The following SCN8A variants were observed in gnomAD, a reference collection of about 807,000 sequenced individuals.
SCN8A encodes the protein sodium channel protein type 8 subunit alpha.
A neutral mutation model predicts 184.1 loss-of-function variants in SCN8A; 30 were observed. The ratio of observed to expected loss-of-function variants is 0.16; its 90% CI spans 0.12 to 0.22. The LOEUF (loss-of-function observed/expected upper bound fraction) is 0.22. Among genes scored for constraint, SCN8A ranks in the 10% least tolerant of loss-of-function variants. SCN8A has a pLI of 1.00. For missense variants in SCN8A, 1,057 were observed against 2,498.9 expected, an observed-to-expected ratio of 0.42 and a Z score of 12.30; for synonymous variants, 852 against 907.0, an observed-to-expected ratio of 0.94 and a Z score of 1.09.
At chr12:51,631,609 C>G (rs777646596) in intron 1 of SCN8A, among the ~76,000 whole-genome samples, 3 of 152,162 alleles carry the variant, frequency 2.0e-5, no homozygotes, top group Non-Finnish European at 2.9e-5. Context: ...TGGTTCATGT[C>G]TAAGATGCTA....
chr12:51,650,624 A>G (rs1030939582), intron 1 of SCN8A, among the ~76,000 whole-genome samples: 3 of 151,304 alleles, frequency 2.0e-5, no homozygotes, highest in Admixed American at 6.6e-5. Context: ...TGGCCCCAAA[A>G]CTGGCCATAA....
intron 11 of SCN8A, among the ~76,000 whole-genome samples, chr12:51,714,743 A>AT (rs1323614691): frequency 6.6e-6 from 1 of 152,230 alleles, no homozygotes; most frequent in Admixed American, 6.5e-5. Flanking sequence ...ATTTACGTGT[A>AT]TCCCCTGAGA....
intron 17 of SCN8A, among the ~76,000 whole-genome samples, chr12:51,769,583 G>A (rs376625430): frequency 1.3e-5 from 2 of 152,126 alleles, no homozygotes; most frequent in Admixed American, 6.5e-5. Flanking sequence ...ATAAGCCCTC[G>A]AGTACTTCCC....
Position 51,699,551 on chromosome 12 carries a change from G to A in SCN8A, c.707-19G>A, listed in dbSNP as rs2306553. On this transcript the variant is annotated intron_variant, in intron 6 of 26. Coordinates refer to ENST00000627620, the MANE Select transcript of SCN8A (RefSeq NM_001330260.2). ...AGGGCTTTGAGGTGCCTCTGATTCC[G>A]GGGATTCTGTCTCCTCAGGCCTGAA... The A allele has an allele frequency of 2.4e-4, 384 of 1,592,530 alleles. 6 individuals are homozygous for A. In the East Asian group the frequency reaches 8.3e-3, roughly 35 times the overall value.
chr12:51,673,695 G>T (rs892567824), intron 2 of SCN8A, among the ~76,000 whole-genome samples: 1 of 152,186 alleles, frequency 6.6e-6, no homozygotes, highest in African/African-American at 2.4e-5. Context: ...ATCACATTAT[G>T]TACTGTGCTT....
At chr12:51,612,073 G>A (rs935308393) in intron 1 of SCN8A, among the ~76,000 whole-genome samples, 3 of 152,084 alleles carry the variant, frequency 2.0e-5, no homozygotes, top group Non-Finnish European at 4.4e-5. Flanking sequence ...TGTGGGTAGC[G>A]AGACTGGACA....
chr12:51,712,743 G>C (rs1287711283), intron 11 of SCN8A: 4 of 1,118,266 alleles, frequency 3.6e-6, no homozygotes, highest in Non-Finnish European at 4.1e-6. Context: ...CACCACCATA[G>C]CCCCCTCTAC....
At chr12:51,704,829 G>C (rs997361252) in intron 9 of SCN8A, among the ~76,000 whole-genome samples, 7 of 151,754 alleles carry the variant, frequency 4.6e-5, no homozygotes, top group Admixed American at 2.0e-4. Context: ...AAAAAAATTA[G>C]CTGGGCATGG....
chr12:51,600,674 C>T (rs964017749), intron 1 of SCN8A, among the ~76,000 whole-genome samples: 1 of 152,074 alleles, frequency 6.6e-6, no homozygotes, highest in Non-Finnish European at 1.5e-5. Flanking sequence ...AGCTTGGGTT[C>T]TGCTACTGCC....
At chr12:51,592,064 C>T (rs1427697284) in intron 1 of SCN8A, among the ~76,000 whole-genome samples, 1 of 124,586 alleles carries the variant, frequency 8.0e-6, no homozygotes, top group Admixed American at 8.1e-5. Flanking sequence ...CACCCCCACC[C>T]CCCACCCCCA....
rs1941784877 is a variant in SCN8A at position 51,706,463 on chromosome 12, T to C, written c.1383T>C (p.Asp461=). ...MATSAGTVSE[D]AIEEEGEEGG... Reference sequence around the variant, plus strand: ...CTTCAGCAGGAACTGTCTCAGAAGATGCCATAGAGGAAGAAGGTGAAGAAG... The same window carrying C: ...CTTCAGCAGGAACTGTCTCAGAAGACGCCATAGAGGAAGAAGGTGAAGAAG... Residue 461 remains aspartate, a synonymous_variant, in exon 11 of 27, where the codon GAT becomes GAC. Transcript: ENST00000627620. 2 of 1,604,250 alleles carry C rather than the reference T, an allele frequency of 1.2e-6. No homozygotes were observed. Among genetic ancestry groups the C allele is most frequent in the Non-Finnish European group, 8.5e-7 (1 of 1,175,682 alleles).
intron 23 of SCN8A, 106 bp downstream of exon 23, chr12:51,788,854 A>C: frequency 1.2e-6 from 1 of 838,080 alleles, no homozygotes; most frequent in South Asian, 2.0e-5. Flanking sequence ...GGAATGGAGG[A>C]GTTGACGTTT....
At chr12:51,803,068 C>G (rs1458125570) in intron 26 of SCN8A, among the ~76,000 whole-genome samples, 1 of 152,218 alleles carries the variant, frequency 6.6e-6, no homozygotes, top group South Asian at 2.1e-4. Flanking sequence ...TGAAGTCCCA[C>G]AGCAGGCCAT....
intron 1 of SCN8A, among the ~76,000 whole-genome samples, chr12:51,594,732 C>G (rs1384836427): frequency 6.6e-6 from 1 of 152,134 alleles, no homozygotes; most frequent in Non-Finnish European, 1.5e-5. Context: ...ACCATCCTTA[C>G]CATCTTTGCT....
Position 51,780,557 on chromosome 12 carries a change from T to TTTTC in SCN8A, c.3820-84_3820-81dup, listed in dbSNP as rs1345963588. ...TTATTCTAACACTCTGGAACCTCTG[T>TTTTC]TTTCTTTCTTTTTTTTTTTTTTTTT... On this transcript the variant is annotated intron_variant, in intron 20 of 26. Transcript: ENST00000627620. The TTTTC allele has an allele frequency of 1.8e-3, 1,329 of 758,894 alleles. 25 individuals carry two copies. Among genetic ancestry groups the TTTTC allele is most frequent in the Non-Finnish European group, 2.0e-3 (1,123 of 575,504 alleles). The allele number at this position is 758,894 out of a possible 1,614,324, so 47.0% of individuals were successfully genotyped here.
chr12:51,726,846 CTTTG>C (rs1942162759), intron 12 of SCN8A, among the ~76,000 whole-genome samples: 2 of 152,076 alleles, frequency 1.3e-5, no homozygotes, highest in African/African-American at 2.4e-5. Context: ...TCTAAAAATC[CTTTG>C]TTTGAGAAAG....
rs1942864001 is a variant in SCN8A, at chr12:51,767,987, C to T, written c.2902-878C>T. 6 of 152,316 alleles carry T rather than the reference C, an allele frequency of 3.9e-5. No individual in the cohort carries two copies. In the South Asian group the frequency reaches 1.2e-3, roughly 32 times the overall value. The allele number at this position is 152,316 out of a possible 1,614,324, so 9.4% of individuals were successfully genotyped here. ...TCACCCGCATTTTACCAACCATATT[C>T]CTTTTTAACTCTACAAATGGTGCAG... On this transcript the variant is annotated intron_variant, in intron 16 of 26. Transcript: ENST00000627620.
rs961734976 is a variant in SCN8A, at chr12:51,616,181, G to C, written c.-55+24822G>C. Among the ~76,000 whole-genome samples, 8 of 152,124 alleles carry C rather than the reference G, an allele frequency of 5.3e-5. No homozygotes were observed. The East Asian group carries it at 1.5e-3, about 29-fold the overall frequency. The stretch of plus-strand genomic sequence containing the variant: ...CCCTCCATCTAAAGAATTTCCTTTA[G>C]CATTTCTTTTAGAGCAGTCTGCTAG... On this transcript the variant is annotated intron_variant, in intron 1 of 26. Transcript: ENST00000627620.
intron 1 of SCN8A, among the ~76,000 whole-genome samples, chr12:51,628,525 C>T (rs1305563461): frequency 6.6e-6 from 1 of 152,120 alleles, no homozygotes; most frequent in Non-Finnish European, 1.5e-5. Flanking sequence ...GGGTTACTCT[C>T]CTTCTGGAGG....
Sources: allele counts gnomAD v4.1 joint callset (sites outside exome capture counted in the v4.1 genomes callset), GRCh38; gene constraint gnomAD v4.1.1; transcripts MANE v1.5; gene names NCBI Gene and HGNC (gene_info 2026-07-23, HGNC 2026-07-21).